The following FAM13A variants were observed in gnomAD, a reference collection of about 807,000 sequenced individuals.
FAM13A encodes family with sequence similarity 13 member A.
FAM13A carries 76 observed loss-of-function variants against 129.6 expected under a neutral mutation model. The ratio of observed to expected loss-of-function variants is 0.59; its 90% CI spans 0.49 to 0.71. The LOEUF (loss-of-function observed/expected upper bound fraction) is 0.71. Ranked by LOEUF, FAM13A falls within the 30% of genes least tolerant of loss-of-function variation. FAM13A has a pLI of 0.00. For missense variants in FAM13A, 1,108 were observed against 1,249.3 expected, an observed-to-expected ratio of 0.89 and a Z score of 1.70; for synonymous variants, 443 against 449.9, an observed-to-expected ratio of 0.98 and a Z score of 0.20.
chr4:89,006,368 AG>A (rs1765006670), intron 3 of FAM13A, among the ~76,000 whole-genome samples: 1 of 152,190 alleles, frequency 6.6e-6, no homozygotes, highest in Non-Finnish European at 1.5e-5. Context: ...CAAGTTCTTT[AG>A]TATCTTTCAA....
At chr4:88,789,675 C>T (rs145204956) in intron 9 of FAM13A, among the ~76,000 whole-genome samples, 5 of 152,200 alleles carry the variant, frequency 3.3e-5, no homozygotes, top group African/African-American at 7.2e-5. Flanking sequence ...CTTACATTCC[C>T]GTAGGGCAAG....
intron 3 of FAM13A, among the ~76,000 whole-genome samples, chr4:89,006,215 C>A (rs1764986465): frequency 8.8e-6 from 1 of 113,138 alleles, no homozygotes; most frequent in South Asian, 2.7e-4. Context: ...ACCATATAGT[C>A]ATAGGTGTGC....
chr4:88,873,871 A>G (rs1009272534), intron 6 of FAM13A, among the ~76,000 whole-genome samples: 4 of 152,218 alleles, frequency 2.6e-5, no homozygotes, highest in Non-Finnish European at 5.9e-5. Context: ...CTTGATGAAC[A>G]TTGATGCAAA....
At chr4:88,853,811 G>T (rs1036553251) in intron 6 of FAM13A, among the ~76,000 whole-genome samples, 1 of 152,216 alleles carries the variant, frequency 6.6e-6, no homozygotes, top group South Asian at 2.1e-4. Context: ...AGCTCAGCTA[G>T]GATAAAAGCA....
intron 4 of FAM13A, among the ~76,000 whole-genome samples, chr4:88,974,314 A>G (rs546046520): frequency 1.3e-5 from 2 of 151,966 alleles, no homozygotes; most frequent in Non-Finnish European, 2.9e-5. Context: ...TGTCTGACCA[A>G]TTTTGGGGCA....
intron 1 of FAM13A, among the ~76,000 whole-genome samples, chr4:89,035,919 ACATGAGATTTGTGAAGGG>A (rs1415964446): frequency 6.6e-6 from 1 of 152,192 alleles, no homozygotes; most frequent in African/African-American, 2.4e-5. Flanking sequence ...TCAGGTAAGG[ACATGAGATTTGTGAAGGG>A]CCAGGTACAG....
chr4:88,765,810 T>C (rs779169142), intron 13 of FAM13A, among the ~76,000 whole-genome samples: 1 of 152,182 alleles, frequency 6.6e-6, no homozygotes, highest in Non-Finnish European at 1.5e-5. Flanking sequence ...CACCACCTAA[T>C]TTTATGTCCT....
intron 8 of FAM13A, among the ~76,000 whole-genome samples, chr4:88,794,561 G>C (rs970420010): frequency 1.3e-5 from 2 of 151,770 alleles, no homozygotes; most frequent in African/African-American, 4.8e-5. Context: ...TCTACAAAAT[G>C]GAGACATCTT....
At chr4:88,922,651 CA>C (rs1364076528) in intron 5 of FAM13A, among the ~76,000 whole-genome samples, 1 of 151,994 alleles carries the variant, frequency 6.6e-6, no homozygotes, top group East Asian at 1.9e-4. Context: ...ACTAGAAAAG[CA>C]AGAGCAAACA....
At chr4:88,841,988 G>T (rs932136195) in intron 7 of FAM13A, among the ~76,000 whole-genome samples, 7 of 152,156 alleles carry the variant, frequency 4.6e-5, no homozygotes, top group African/African-American at 1.7e-4. Flanking sequence ...TAGCCAAAAA[G>T]TAGATCCAAC....
At chr4:88,796,207 A>T in intron 8 of FAM13A, among the ~76,000 whole-genome samples, 1 of 151,360 alleles carries the variant, frequency 6.6e-6, no homozygotes. Flanking sequence ...CTTTTTCTTT[A>T]TTTTCTTAAC....
intron 1 of FAM13A, among the ~76,000 whole-genome samples, chr4:89,041,777 C>T (rs542174785): frequency 2.6e-5 from 4 of 151,802 alleles, no homozygotes; most frequent in Admixed American, 2.0e-4. Context: ...AAAAATTAGC[C>T]GGTTGTGGTG....
At chr4:88,762,965 A>C (rs1745084758) in intron 13 of FAM13A, among the ~76,000 whole-genome samples, 1 of 152,164 alleles carries the variant, frequency 6.6e-6, no homozygotes, top group African/African-American at 2.4e-5. Flanking sequence ...AAAATGCTGC[A>C]CTATATGAAA....
chr4:88,784,845 A>C (rs1158344343), intron 10 of FAM13A, among the ~76,000 whole-genome samples: 1 of 152,188 alleles, frequency 6.6e-6, no homozygotes, highest in Non-Finnish European at 1.5e-5. Flanking sequence ...ATTTCTGTAA[A>C]CTTGGCAGAT....
At chr4:88,923,138 C>T (rs939174525) in intron 5 of FAM13A, among the ~76,000 whole-genome samples, 3 of 152,218 alleles carry the variant, frequency 2.0e-5, no homozygotes, top group Admixed American at 1.3e-4. Flanking sequence ...GGAACTGGTA[C>T]CATTCCTTCT....
intron 3 of FAM13A, among the ~76,000 whole-genome samples, chr4:89,005,676 G>C (rs933986130): frequency 6.6e-6 from 1 of 152,266 alleles, no homozygotes; most frequent in Non-Finnish European, 1.5e-5. Flanking sequence ...GTGATGTTGA[G>C]CTTTTTTCAT....
At chr4:89,046,800 A>G (rs1770916810) in intron 1 of FAM13A, among the ~76,000 whole-genome samples, 1 of 152,218 alleles carries the variant, frequency 6.6e-6, no homozygotes, top group Non-Finnish European at 1.5e-5. Flanking sequence ...GCAGTGAGCC[A>G]TGCTCACACC....
chr4:88,867,874 T>C (rs542398945), intron 6 of FAM13A, among the ~76,000 whole-genome samples: 13 of 152,284 alleles, frequency 8.5e-5, no homozygotes, highest in African/African-American at 3.1e-4. Flanking sequence ...CAACAGTTAA[T>C]TGAAAAGAAA....
intron 4 of FAM13A, among the ~76,000 whole-genome samples, chr4:88,956,130 C>T (rs757963916): frequency 6.6e-5 from 10 of 152,326 alleles, no homozygotes; most frequent in Middle Eastern, 3.4e-3. Context: ...TAATGTCCTA[C>T]GCCTTCCCTT....
Sources: gnomAD v4.1 joint callset for allele counts (sites outside exome capture counted in the v4.1 genomes callset) on GRCh38, gnomAD v4.1.1 for gene constraint, MANE v1.5 for transcripts, NCBI Gene and HGNC (gene_info 2026-07-23, HGNC 2026-07-21) for gene names.